MGAT5: variants seen among roughly 807,000 people sequenced by gnomAD.
The protein encoded by MGAT5 is alpha-1,6-mannosylglycoprotein 6-beta-N-acetylglucosaminyltransferase A.
MGAT5 carries 30 observed loss-of-function variants against 94.3 expected under a neutral mutation model. The observed-to-expected ratio is 0.32, with a 90% confidence interval of 0.24 to 0.43. The LOEUF (loss-of-function observed/expected upper bound fraction) is 0.43, where lower values mean the gene tolerates loss of function less well. Ranked by LOEUF, MGAT5 falls within the 20% of genes least tolerant of loss-of-function variation. The pLI, the probability that MGAT5 is intolerant of heterozygous loss-of-function variation, is 1.00. For synonymous variants in MGAT5, 310 were observed against 322.9 expected (o/e 0.96, Z 0.43); for missense variants, 691 against 905.5 (o/e 0.76, Z 3.04).
At chr2:134,412,198 T>TG (rs1411739236) in intron 11 of MGAT5, among the ~76,000 whole-genome samples, 4 of 152,126 alleles carry the variant, frequency 2.6e-5, no homozygotes, top group Non-Finnish European at 5.9e-5. Flanking sequence ...TGGTCTGTCT[T>TG]GGGGGAAGCA....
chr2:134,313,929 T>C (rs1686849148), intron 2 of MGAT5, among the ~76,000 whole-genome samples: 1 of 152,148 alleles, frequency 6.6e-6, no homozygotes, highest in South Asian at 2.1e-4. Flanking sequence ...TGGCTCAAAG[T>C]TTTGTTTCTT....
At chr2:134,269,393 C>T (rs937291271) in intron 1 of MGAT5, among the ~76,000 whole-genome samples, 10 of 152,204 alleles carry the variant, frequency 6.6e-5, no homozygotes, top group African/African-American at 2.2e-4. Context: ...TTTGTCTTAA[C>T]TCAGGGCTTT....
intron 1 of MGAT5, among the ~76,000 whole-genome samples, chr2:134,143,453 C>T (rs1320507111): frequency 2.0e-5 from 3 of 152,164 alleles, no homozygotes; most frequent in Non-Finnish European, 2.9e-5. Flanking sequence ...TAACAGGGAG[C>T]TTTGTTTTCA....
intron 1 of MGAT5, among the ~76,000 whole-genome samples, chr2:134,129,353 G>A (rs974466389): frequency 1.3e-5 from 2 of 152,168 alleles, no homozygotes; most frequent in Non-Finnish European, 2.9e-5. Flanking sequence ...AGACCAAGCA[G>A]GTTAATGCAG....
intron 1 of MGAT5, among the ~76,000 whole-genome samples, chr2:134,243,591 C>T (rs577254768): frequency 1.3e-5 from 2 of 152,260 alleles, no homozygotes; most frequent in East Asian, 1.9e-4. Flanking sequence ...TAGGGCTGTG[C>T]GATTGAGTGG....
intron 9 of MGAT5, among the ~76,000 whole-genome samples, chr2:134,351,107 G>A (rs1679353593): frequency 6.6e-6 from 1 of 152,192 alleles, no homozygotes; most frequent in Non-Finnish European, 1.5e-5. Flanking sequence ...TCATCCTTAA[G>A]TGTTCTATTA....
chr2:134,419,475 TGTGTGTGTGTGTG>T (rs1684168395), intron 12 of MGAT5, among the ~76,000 whole-genome samples: 2 of 151,732 alleles, frequency 1.3e-5, no homozygotes, highest in Admixed American at 1.3e-4. Context: ...TGTGTGTGTG[TGTGTGTGTGTGTG>T]TTTCCATAAA....
intron 1 of MGAT5, among the ~76,000 whole-genome samples, chr2:134,264,357 G>A (rs1327633416): frequency 1.3e-5 from 2 of 152,014 alleles, no homozygotes; most frequent in East Asian, 1.9e-4. Context: ...TATACTTTTC[G>A]TTTTTTATCC....
chr2:134,199,940 A>ATTC (rs1679696618), intron 1 of MGAT5, among the ~76,000 whole-genome samples: 1 of 152,126 alleles, frequency 6.6e-6, no homozygotes, highest in Non-Finnish European at 1.5e-5. Context: ...AAGAAGCTTC[A>ATTC]GTGGTCCAGT....
intron 12 of MGAT5, among the ~76,000 whole-genome samples, chr2:134,422,484 T>C (rs1684355510): frequency 6.6e-6 from 1 of 152,198 alleles, no homozygotes; most frequent in Non-Finnish European, 1.5e-5. Context: ...GATCTAGTAA[T>C]AGGTGATTTT....
intron 1 of MGAT5, among the ~76,000 whole-genome samples, chr2:134,223,232 G>T (rs955913279): frequency 6.6e-6 from 1 of 152,120 alleles, no homozygotes; most frequent in African/African-American, 2.4e-5. Flanking sequence ...GATTTGGAGG[G>T]TTTGATCTTG....
At chr2:134,353,372 A>G (rs1033408105) in intron 9 of MGAT5, among the ~76,000 whole-genome samples, 13 of 152,202 alleles carry the variant, frequency 8.5e-5, no homozygotes, top group African/African-American at 3.1e-4. Flanking sequence ...AAATATTTAT[A>G]TTGTTACTTG....
intron 10 of MGAT5, among the ~76,000 whole-genome samples, chr2:134,387,587 A>T (rs1395610935): frequency 2.6e-5 from 4 of 151,904 alleles, no homozygotes; most frequent in African/African-American, 9.7e-5. Context: ...ACAGGAGGCA[A>T]CATGCCCACT....
rs1379313029 is a variant in MGAT5, at chr2:134,452,862, A to C, written c.*4015A>C. 6.6e-6 allele frequency: 1 copy of C among 152,252 alleles called. No individual in the cohort carries two copies. The highest frequency in any genetic ancestry group is 1.5e-5 in the Non-Finnish European group (1 of 68,044). 9.4% of individuals were successfully genotyped at this position (152,252 alleles called of 1,614,324 possible). On this transcript the variant is annotated 3_prime_UTR_variant, in exon 16 of 16. Coordinates refer to ENST00000281923, the MANE Select transcript of MGAT5 (RefSeq NM_002410.5). ...TGTGAGTAGACGGATGGACATAAAT[A>C]GATTCATGCTCATTTAGGAAGCTGG...
intron 11 of MGAT5, among the ~76,000 whole-genome samples, chr2:134,404,800 A>C (rs956574277): frequency 5.9e-5 from 9 of 152,142 alleles, no homozygotes; most frequent in Admixed American, 5.9e-4. Context: ...TAGTCTGATG[A>C]CTGTTTTTTG....
intron 12 of MGAT5, among the ~76,000 whole-genome samples, chr2:134,413,586 AT>A (rs1683793370): frequency 6.6e-6 from 1 of 152,192 alleles, no homozygotes; most frequent in African/African-American, 2.4e-5. Flanking sequence ...ATGAATCACC[AT>A]TGAGGGTAGT....
intron 1 of MGAT5, among the ~76,000 whole-genome samples, chr2:134,245,496 A>C (rs985152560): frequency 3.9e-5 from 6 of 152,216 alleles, no homozygotes; most frequent in African/African-American, 1.4e-4. Flanking sequence ...AGTAATGTGC[A>C]CATCCAAGAG....
Position 134,428,381 on chromosome 2 carries a change from C to G in MGAT5, c.1811C>G (p.Pro604Arg). ...ILNQKIEPYM[P>R]YEFTCEGMLQ... ...TTTCCACAGATTGAGCCATACATGC[C>G]ATATGAATTTACGTGCGAGGGGATG... Residue 604 changes from proline (P) to arginine (R), a missense_variant, in exon 14 of 16, where the codon CCA becomes CGA. Pro to Arg is a moderately radical substitution (Grantham distance 103). Transcript: ENST00000281923. 6.2e-7 allele frequency: 1 copy of G among 1,614,060 alleles called. No homozygotes were observed. Among genetic ancestry groups the G allele is most frequent in the Non-Finnish European group, 8.5e-7 (1 of 1,179,972 alleles).
rs1686250544 is a variant in MGAT5, at chr2:134,454,237, C to T, written c.*5390C>T. 6.6e-6 allele frequency: 1 copy of T among 152,232 alleles called. No individual in the cohort carries two copies. The highest frequency in any genetic ancestry group is 1.5e-5 in the Non-Finnish European group (1 of 68,042). 9.4% of individuals were successfully genotyped at this position (152,232 alleles called of 1,614,324 possible). A position where few individuals can be genotyped will look rare whatever the true frequency, so the allele number is the denominator to read the frequency against. ...CTGGAGGTCTACACGCCTCTCAGGA[C>T]AGCGTGTCAGGAACCTCAGAGCAGC... On this transcript the variant is annotated 3_prime_UTR_variant, in exon 16 of 16. Coordinates refer to ENST00000281923, the MANE Select transcript of MGAT5 (RefSeq NM_002410.5).
Sources: allele counts gnomAD v4.1 joint callset (sites outside exome capture counted in the v4.1 genomes callset), GRCh38; gene constraint gnomAD v4.1.1; transcripts MANE v1.5; gene names NCBI Gene and HGNC (gene_info 2026-07-23, HGNC 2026-07-21).